Variants in PCDH9 observed in about 807,000 individuals in gnomAD.
PCDH9 encodes protocadherin 9, also known as protocadherin-9.
A neutral mutation model predicts 70.6 loss-of-function variants in PCDH9; 24 were observed. The ratio of observed to expected loss-of-function variants is 0.34; its 90% CI spans 0.25 to 0.48. The LOEUF is 0.48. Among genes scored for constraint, PCDH9 ranks in the 20% least tolerant of loss-of-function variants. PCDH9 has a pLI of 0.99. For missense variants in PCDH9, 1,281 were observed against 1,503.6 expected (o/e 0.85, Z 2.45); for synonymous variants, 562 against 558.5 (o/e 1.01, Z -0.09).
chr13:66,409,888 T>C (rs1184278660), intron 4 of PCDH9, among the ~76,000 whole-genome samples: 1 of 152,156 alleles, frequency 6.6e-6, no homozygotes, highest in African/African-American at 2.4e-5. Context: ...TAGACAGATA[T>C]GCCTACTCCA....
chr13:67,211,968 T>C (rs2089478138), intron 2 of PCDH9: 1 of 152,146 alleles, frequency 6.6e-6, no homozygotes, highest in South Asian at 2.1e-4. Flanking sequence ...ATTCCATTTT[T>C]AGAGAACCAC....
At chr13:66,633,643 C>T (rs145229664) in intron 3 of PCDH9, among the ~76,000 whole-genome samples, 37 of 152,176 alleles carry the variant, frequency 2.4e-4, no homozygotes, top group Admixed American at 7.2e-4. Flanking sequence ...TTGAGGAATA[C>T]CTCTTAACTC....
intron 3 of PCDH9, among the ~76,000 whole-genome samples, chr13:66,890,448 C>CTTTTT (rs36076373): frequency 6.0e-5 from 6 of 100,554 alleles, no homozygotes; most frequent in East Asian, 3.2e-4. Flanking sequence ...GACTTCTGAA[C>CTTTTT]TTTTTTTTTT....
intron 4 of PCDH9, among the ~76,000 whole-genome samples, chr13:66,565,280 CAAAT>C (rs905569357): frequency 3.3e-5 from 5 of 152,098 alleles, no homozygotes; most frequent in Non-Finnish European, 5.9e-5. Context: ...TAACAACATG[CAAAT>C]AAATAAATGG....
intron 4 of PCDH9, among the ~76,000 whole-genome samples, chr13:66,513,033 G>A (rs1959559825): frequency 6.6e-6 from 1 of 151,866 alleles, no homozygotes; most frequent in Admixed American, 6.6e-5. Context: ...TCCGCAAGCT[G>A]GTCTCAAACT....
intron 3 of PCDH9, among the ~76,000 whole-genome samples, chr13:66,748,412 G>A (rs1022003455): frequency 6.6e-6 from 1 of 152,134 alleles, no homozygotes; most frequent in East Asian, 1.9e-4. Flanking sequence ...CAAAAAGGAA[G>A]GTTTAGGAAT....
chr13:66,754,436 A>C (rs1160622712), intron 3 of PCDH9, among the ~76,000 whole-genome samples: 6 of 147,602 alleles, frequency 4.1e-5, no homozygotes, highest in Non-Finnish European at 8.8e-5. Context: ...AAAAAAAGGA[A>C]AAAAAAAGAG....
chr13:66,692,313 A>T (rs559666533), intron 3 of PCDH9, among the ~76,000 whole-genome samples: 2 of 152,222 alleles, frequency 1.3e-5, no homozygotes, highest in East Asian at 3.9e-4. Context: ...TAAAAAAAGC[A>T]TTCCTTTACC....
At chr13:66,990,127 A>C (rs2083972227) in intron 2 of PCDH9, among the ~76,000 whole-genome samples, 1 of 151,896 alleles carries the variant, frequency 6.6e-6, no homozygotes, top group Non-Finnish European at 1.5e-5. Flanking sequence ...AAGCCTTAGC[A>C]AATTTTAATA....
chr13:66,594,468 G>GTTTATTTTAT (rs57782546), intron 4 of PCDH9, among the ~76,000 whole-genome samples: 95 of 139,686 alleles, frequency 6.8e-4, no homozygotes, highest in African/African-American at 2.2e-3. Context: ...GTTACTTTTT[G>GTTTATTTTAT]TTTATTTTAT....
chr13:66,513,841 T>C (rs970524245), intron 4 of PCDH9, among the ~76,000 whole-genome samples: 1 of 152,146 alleles, frequency 6.6e-6, no homozygotes, highest in Non-Finnish European at 1.5e-5. Flanking sequence ...GGTAACTTTT[T>C]TTTTTTCTCT....
intron 2 of PCDH9, among the ~76,000 whole-genome samples, chr13:67,120,884 G>GA (rs1350852826): frequency 6.6e-6 from 1 of 150,580 alleles, no homozygotes; most frequent in African/African-American, 2.4e-5. Context: ...TTAAACATCG[G>GA]AAAAATATCT....
chr13:66,824,367 A>T (rs1317441616), intron 3 of PCDH9, among the ~76,000 whole-genome samples: 1 of 145,978 alleles, frequency 6.9e-6, no homozygotes, highest in African/African-American at 2.5e-5. Context: ...GTTAAAAACA[A>T]TATTAAGGCC....
At chr13:66,627,757 C>G (rs920416602) in intron 4 of PCDH9, among the ~76,000 whole-genome samples, 17 of 152,270 alleles carry the variant, frequency 1.1e-4, no homozygotes, top group Middle Eastern at 3.4e-3. Flanking sequence ...GTTGTGCTGT[C>G]CATTGGGTGT....
chr13:66,609,682 T>C (rs1429339561), intron 4 of PCDH9, among the ~76,000 whole-genome samples: 2 of 152,094 alleles, frequency 1.3e-5, no homozygotes, highest in Non-Finnish European at 2.9e-5. Context: ...CATGTCTTTT[T>C]TCTGATTTTA....
intron 4 of PCDH9, among the ~76,000 whole-genome samples, chr13:66,401,285 C>T (rs1022111860): frequency 1.1e-4 from 17 of 151,960 alleles, no homozygotes; most frequent in East Asian, 1.9e-4. Context: ...ATCATGGGGG[C>T]GGTCCCCCCA....
At chr13:66,427,839 C>T (rs1453793564) in intron 4 of PCDH9, among the ~76,000 whole-genome samples, 2 of 151,510 alleles carry the variant, frequency 1.3e-5, no homozygotes, top group African/African-American at 2.4e-5. Context: ...GTAAAGTGTT[C>T]GGTTAGTCAT....
intron 2 of PCDH9, among the ~76,000 whole-genome samples, chr13:66,966,733 A>G (rs2139737844): frequency 6.6e-6 from 1 of 152,206 alleles, no homozygotes; most frequent in East Asian, 1.9e-4. Flanking sequence ...TCTTTTGCTG[A>G]AGGGTCATGA....
chr13:66,439,031 A>G lies in PCDH9; in HGVS notation c.3341-134003T>C, dbSNP rs149223192. The stretch of plus-strand genomic sequence containing the variant: ...TAAGTAGGTCTGATGGAATTCCAAG[A>G]TAATGAAAAAACATATTTATACAGA... On this transcript the variant is annotated intron_variant, in intron 4 of 4. Transcript: ENST00000377865. Among the ~76,000 whole-genome samples the G allele has an allele frequency of 7.9e-3, 1,205 of 152,310 alleles. 14 individuals carry two copies. The highest frequency in any genetic ancestry group is 0.026 in the African/African-American group (1,093 of 41,572).
Sources: allele counts gnomAD v4.1 joint callset (sites outside exome capture counted in the v4.1 genomes callset), GRCh38; gene constraint gnomAD v4.1.1; transcripts MANE v1.5; gene names NCBI Gene and HGNC (gene_info 2026-07-23, HGNC 2026-07-21).